JAK1: variants seen among roughly 807,000 people sequenced by gnomAD.
The protein encoded by JAK1 is tyrosine-protein kinase JAK1.
Under a neutral mutation model 136.6 loss-of-function variants are expected in JAK1, and 16 were observed. The observed-to-expected ratio is 0.12, with a 90% confidence interval of 0.08 to 0.18. The LOEUF (loss-of-function observed/expected upper bound fraction) is 0.18, where lower values mean the gene tolerates loss of function less well. JAK1 is among the 10% of genes least tolerant of loss of function. The pLI is 1.00. For missense variants in JAK1, 859 were observed against 1,450.1 expected, an observed-to-expected ratio of 0.59 and a Z score of 6.62; for synonymous variants, 492 against 519.5, an observed-to-expected ratio of 0.95 and a Z score of 0.72.
intron 1 of JAK1, among the ~76,000 whole-genome samples, chr1:64,914,011 G>A (rs1054613721): frequency 6.6e-6 from 1 of 152,188 alleles, no homozygotes; most frequent in Admixed American, 6.5e-5. Flanking sequence ...GCAGTGGACA[G>A]AGGCAGGCGT....
intron 1 of JAK1, among the ~76,000 whole-genome samples, chr1:65,059,144 G>A (rs896691079): frequency 4.1e-4 from 56 of 137,626 alleles, no homozygotes; most frequent in Admixed American, 6.6e-4. Context: ...TTTATAGGCA[G>A]AAAAAAAAAA....
At chr1:64,907,822 C>T (rs538762712) in intron 1 of JAK1, among the ~76,000 whole-genome samples, 40 of 152,272 alleles carry the variant, frequency 2.6e-4, no homozygotes, top group African/African-American at 9.1e-4. Flanking sequence ...ACTACTGAAA[C>T]GCACATGTCT....
intron 11 of JAK1, among the ~76,000 whole-genome samples, chr1:64,851,268 G>A (rs1247843267): frequency 6.6e-6 from 1 of 152,212 alleles, no homozygotes; most frequent in East Asian, 1.9e-4. Context: ...GAAACTGAAA[G>A]AAGTCAGAGA....
At chr1:65,064,979 G>A (rs981782855) in intron 1 of JAK1, among the ~76,000 whole-genome samples, 5 of 152,064 alleles carry the variant, frequency 3.3e-5, no homozygotes, top group South Asian at 4.2e-4. Flanking sequence ...TGAAATACAC[G>A]GTAAGTATCC....
intron 10 of JAK1, among the ~76,000 whole-genome samples, chr1:64,856,618 G>A (rs550513133): frequency 2.6e-5 from 4 of 152,212 alleles, no homozygotes; most frequent in East Asian, 3.9e-4. Context: ...CCCCTCCATC[G>A]TAAACACATT....
At position 64,950,905 on chromosome 1, in the gene JAK1, A is replaced by T. The variant is rs1048978721; in HGVS notation, c.-78+15428T>A. Among the ~76,000 whole-genome samples the T allele has an allele frequency of 2.0e-4, 30 of 152,370 alleles. 1 individual carries two copies. Among genetic ancestry groups the T allele is most frequent in the Middle Eastern group, 3.4e-3 (1 of 294 alleles). ...AGACAGGTCTTAGGCAAGTCACTTA[A>T]ACACTCTGATTCCTTTATTTCTCCA... On this transcript the variant is annotated intron_variant, in intron 1 of 24. Coordinates refer to ENST00000342505, the MANE Select transcript of JAK1 (RefSeq NM_002227.4).
intron 1 of JAK1, among the ~76,000 whole-genome samples, chr1:64,928,269 T>A (rs1274685617): frequency 2.6e-5 from 4 of 152,224 alleles, no homozygotes. Flanking sequence ...TGGCCTCTAG[T>A]ACTTGTCAGA....
At chr1:65,037,807 A>C (rs116611675) in intron 2 of JAK1, among the ~76,000 whole-genome samples, 2,035 of 152,272 alleles carry the variant, frequency 0.013, 45 homozygotes, top group African/African-American at 0.047. Context: ...TCAAGGCTGC[A>C]GTGAGCTGTG....
intron 1 of JAK1, among the ~76,000 whole-genome samples, chr1:64,906,156 T>C (rs1349290186): frequency 6.6e-6 from 1 of 152,042 alleles, no homozygotes; most frequent in African/African-American, 2.4e-5. Context: ...TAGCTGGGCG[T>C]GGTGGTGCAT....
chr1:64,995,994 C>T (rs191490058), intron 2 of JAK1, among the ~76,000 whole-genome samples: 7 of 152,270 alleles, frequency 4.6e-5, no homozygotes, highest in East Asian at 1.9e-4. Context: ...CCACCCATTT[C>T]GGCCATTGAA....
chr1:64,954,784 G>A (rs1034565278), intron 1 of JAK1, among the ~76,000 whole-genome samples: 7 of 152,326 alleles, frequency 4.6e-5, no homozygotes, highest in Admixed American at 4.6e-4. Context: ...GAGGCAGAGA[G>A]ATTATTGTAA....
chr1:65,012,748 C>T (rs1489770431), intron 2 of JAK1, among the ~76,000 whole-genome samples: 4 of 150,210 alleles, frequency 2.7e-5, no homozygotes, highest in Admixed American at 6.6e-5. Context: ...GCCATGTTTG[C>T]ACCATACCAC....
In JAK1 at chr1:64,940,851, A is replaced by C. The variant is rs530894178; in HGVS notation, c.-78+25482T>G. Among the ~76,000 whole-genome samples the C allele has an allele frequency of 2.6e-5, 4 of 152,176 alleles. No individual in the cohort carries two copies. In the South Asian group the frequency reaches 8.3e-4, roughly 32 times the overall value. ...AAGAACAGAAAAAATATATTTTCGG[A>C]TTTTTTCATTAAAGTAGTTAAAGTT... On this transcript the variant is annotated intron_variant, in intron 1 of 24. Transcript: ENST00000342505.
chr1:65,043,661 G>C (rs1283137840), intron 2 of JAK1, among the ~76,000 whole-genome samples: 1 of 148,962 alleles, frequency 6.7e-6, no homozygotes, highest in African/African-American at 2.5e-5. Context: ...AGCCTCCTGA[G>C]TAGCTGGGAC....
At chr1:65,014,161 T>C (rs1400294154) in intron 2 of JAK1, among the ~76,000 whole-genome samples, 2 of 152,092 alleles carry the variant, frequency 1.3e-5, no homozygotes, top group East Asian at 3.8e-4. Flanking sequence ...GAAATTAAAA[T>C]TCATAGAAGA....
chr1:64,864,994 A>T (rs755502794), intron 7 of JAK1, 22 bp from the exon 8 acceptor site: 5 of 1,593,168 alleles, frequency 3.1e-6, no homozygotes, highest in Non-Finnish European at 4.3e-6. Context: ...CATAAAAGGG[A>T]CAGGGTTAAG....
intron 1 of JAK1, among the ~76,000 whole-genome samples, chr1:64,933,117 T>A (rs2100461138): frequency 6.6e-6 from 1 of 152,078 alleles, no homozygotes; most frequent in Non-Finnish European, 1.5e-5. Context: ...CCAAATGTTT[T>A]ATATTCATTG....
At position 64,846,660 on chromosome 1, in the gene JAK1, C is replaced by T. The variant is rs1403227052; in HGVS notation, c.1976G>A (p.Arg659His). 9 of 1,613,636 alleles carry T rather than the reference C, an allele frequency of 5.6e-6. No individual in the cohort carries two copies. Among genetic ancestry groups the T allele is most frequent in the Admixed American group, 1.7e-5 (1 of 60,022 alleles). ...GAGAACACACTTACTCTCCACGTCGCGGACACAGACGCCATAGAGGTACAC... is the reference window on the plus strand; with the variant it reads ...GAGAACACACTTACTCTCCACGTCGTGGACACAGACGCCATAGAGGTACAC... ...HIVYLYGVCV[R>H]DVENIMVEEF... The change falls in exon 14 of 25, where the codon CGC becomes CAC. Residue 659 changes from arginine to histidine, a missense_variant. By Grantham distance (29) the Arg-to-His change is conservative. This residue lies in a region of JAK1 where 409 missense variants were observed against 753.8 expected (regional missense o/e 0.54). Coordinates refer to ENST00000342505, the MANE Select transcript of JAK1 (RefSeq NM_002227.4).
chr1:64,914,576 T>C (rs544931089), intron 1 of JAK1, among the ~76,000 whole-genome samples: 63 of 152,256 alleles, frequency 4.1e-4, no homozygotes, highest in Admixed American at 6.5e-4. Context: ...TTTTGTTTTG[T>C]TTTTTTGAGA....
Sources: gnomAD v4.1 joint callset for allele counts (sites outside exome capture counted in the v4.1 genomes callset) on GRCh38, gnomAD v4.1.1 for gene constraint, gnomAD v4.1.1 regional missense constraint, MANE v1.5 for transcripts, NCBI Gene and HGNC (gene_info 2026-07-23, HGNC 2026-07-21) for gene names.